The following RGS7BP variants were observed in gnomAD, a reference collection of about 807,000 sequenced individuals.
The protein encoded by RGS7BP is regulator of G protein signaling 7-binding protein.
In RGS7BP, 9 loss-of-function variants were observed where a neutral mutation model predicts 31.3. The observed-to-expected ratio is 0.29, with a 90% CI of 0.17 to 0.50. The LOEUF (loss-of-function observed/expected upper bound fraction) is 0.50, where lower values mean the gene tolerates loss of function less well. Ranked by LOEUF, RGS7BP falls within the 20% of genes least tolerant of loss-of-function variation. RGS7BP has a pLI of 0.98. For missense variants in RGS7BP, 274 were observed against 322.0 expected (o/e 0.85, Z 1.14); for synonymous variants, 115 against 120.1 (o/e 0.96, Z 0.28).
intron 2 of RGS7BP, among the ~76,000 whole-genome samples, chr5:64,527,356 C>T (rs900503791): frequency 6.6e-6 from 1 of 151,904 alleles, no homozygotes; most frequent in African/African-American, 2.4e-5. Flanking sequence ...GGAGGTGAAG[C>T]GAGGACATGA....
chr5:64,513,752 A>G (rs1296168138), intron 2 of RGS7BP, among the ~76,000 whole-genome samples: 1 of 152,092 alleles, frequency 6.6e-6, no homozygotes, highest in Non-Finnish European at 1.5e-5. Context: ...CAGGCCACCC[A>G]CTCTGTCTTT....
intron 2 of RGS7BP, among the ~76,000 whole-genome samples, chr5:64,549,250 C>T (rs1368433776): frequency 1.3e-5 from 2 of 152,158 alleles, no homozygotes; most frequent in Non-Finnish European, 2.9e-5. Context: ...TAGATATTCC[C>T]GTTGCAAAAG....
At chr5:64,592,986 G>A (rs944990141) in intron 3 of RGS7BP, among the ~76,000 whole-genome samples, 1 of 152,188 alleles carries the variant, frequency 6.6e-6, no homozygotes, top group Non-Finnish European at 1.5e-5. Context: ...CTTTTAAGAG[G>A]TCAATGCCCT....
At chr5:64,515,876 G>A (rs2111886091) in intron 2 of RGS7BP, among the ~76,000 whole-genome samples, 1 of 151,778 alleles carries the variant, frequency 6.6e-6, no homozygotes, top group South Asian at 2.1e-4. Context: ...GTCTCACTCT[G>A]CTGATACTGA....
At chr5:64,571,608 C>A (rs1024669143) in intron 2 of RGS7BP, among the ~76,000 whole-genome samples, 2 of 152,066 alleles carry the variant, frequency 1.3e-5, no homozygotes, top group Admixed American at 6.6e-5. Context: ...TTACAGTTAG[C>A]CATTCTGGTA....
At chr5:64,532,775 C>T (rs748584052) in intron 2 of RGS7BP, among the ~76,000 whole-genome samples, 49 of 152,074 alleles carry the variant, frequency 3.2e-4, no homozygotes, top group Non-Finnish European at 1.3e-4. Context: ...CCCCCACACA[C>T]CCCCAACCCC....
intron 2 of RGS7BP, among the ~76,000 whole-genome samples, chr5:64,542,194 A>G (rs1316488819): frequency 3.3e-5 from 5 of 152,232 alleles, no homozygotes; most frequent in African/African-American, 1.2e-4. Flanking sequence ...ACCCAACACC[A>G]GACTTTACTA....
chr5:64,586,847 T>C (rs1258984242), intron 3 of RGS7BP, among the ~76,000 whole-genome samples: 3 of 152,218 alleles, frequency 2.0e-5, no homozygotes, highest in Non-Finnish European at 4.4e-5. Flanking sequence ...AACTTACCCA[T>C]ATATTTTCCT....
chr5:64,553,344 T>C (rs1204366339), intron 2 of RGS7BP, among the ~76,000 whole-genome samples: 1 of 151,968 alleles, frequency 6.6e-6, no homozygotes. Context: ...AGCTAGTTTT[T>C]GTATTTTTGT....
rs559120064 is a variant in RGS7BP at position 64,588,893 on chromosome 5, G to A, written c.464-5817G>A. 3.6e-4 allele frequency among the ~76,000 whole-genome samples: 54 copies of A among 151,808 alleles called. No homozygotes were observed. In the South Asian group the frequency reaches 9.1e-3, roughly 26 times the overall value. Reference sequence around the variant, plus strand: ...AGAACAGAGAGAATTGAGAGAAATTGATAATCAAGAAAAATAGAAAACAAT... The same window carrying A: ...AGAACAGAGAGAATTGAGAGAAATTAATAATCAAGAAAAATAGAAAACAAT... On this transcript the variant is annotated intron_variant, in intron 3 of 5. Transcript: ENST00000334025.
intron 3 of RGS7BP, among the ~76,000 whole-genome samples, chr5:64,592,595 T>A (rs899564601): frequency 6.6e-5 from 10 of 152,116 alleles, no homozygotes; most frequent in Non-Finnish European, 1.3e-4. Flanking sequence ...AACATCACAT[T>A]TCCTGGTGTC....
At chr5:64,523,677 T>A (rs540456658) in intron 2 of RGS7BP, among the ~76,000 whole-genome samples, 1 of 152,168 alleles carries the variant, frequency 6.6e-6, no homozygotes, top group Non-Finnish European at 1.5e-5. Flanking sequence ...ATAAAAAGAA[T>A]ACACCAAATA....
At chr5:64,530,596 T>C (rs1749345268) in intron 2 of RGS7BP, among the ~76,000 whole-genome samples, 2 of 152,182 alleles carry the variant, frequency 1.3e-5, no homozygotes, top group Non-Finnish European at 2.9e-5. Flanking sequence ...CCACTATACT[T>C]TCCACTGTGC....
intron 2 of RGS7BP, among the ~76,000 whole-genome samples, chr5:64,540,021 T>A (rs1189327808): frequency 1.3e-5 from 2 of 152,152 alleles, no homozygotes; most frequent in Non-Finnish European, 2.9e-5. Context: ...AAGATTCTTT[T>A]TGATTTTAGA....
intron 2 of RGS7BP, among the ~76,000 whole-genome samples, chr5:64,512,243 CTTAAGT>C (rs371044122): frequency 5.3e-5 from 8 of 152,278 alleles, no homozygotes; most frequent in Middle Eastern, 3.4e-3. Context: ...TACTCCAGAT[CTTAAGT>C]TTAAGTATGA....
At chr5:64,517,400 T>C (rs1413144762) in intron 2 of RGS7BP, among the ~76,000 whole-genome samples, 1 of 152,200 alleles carries the variant, frequency 6.6e-6, no homozygotes, top group Non-Finnish European at 1.5e-5. Flanking sequence ...GGGAAACAAC[T>C]AACGATCTCT....
chr5:64,565,275 A>C (rs79945922), intron 2 of RGS7BP, among the ~76,000 whole-genome samples: 2,399 of 152,112 alleles, frequency 0.016, 53 homozygotes, highest in African/African-American at 0.054. Context: ...TTAGGTAAAA[A>C]AGTGAACTCC....
At chr5:64,590,816 A>G (rs534417679) in intron 3 of RGS7BP, among the ~76,000 whole-genome samples, 2 of 152,148 alleles carry the variant, frequency 1.3e-5, no homozygotes, top group African/African-American at 2.4e-5. Flanking sequence ...TATATCCAGA[A>G]ATAAACCCAC....
intron 3 of RGS7BP, among the ~76,000 whole-genome samples, chr5:64,578,761 G>T (rs1742504418): frequency 6.6e-6 from 1 of 152,160 alleles, no homozygotes; most frequent in Non-Finnish European, 1.5e-5. Context: ...CTGTGTGATG[G>T]CTCATACAGT....
Sources: allele counts gnomAD v4.1 joint callset (sites outside exome capture counted in the v4.1 genomes callset), GRCh38; gene constraint gnomAD v4.1.1; transcripts MANE v1.5; gene names NCBI Gene and HGNC (gene_info 2026-07-23, HGNC 2026-07-21).